The following AKAIN1 variants were observed in gnomAD, a reference collection of about 807,000 sequenced individuals.
AKAIN1 encodes the protein A-kinase anchor protein inhibitor 1.
Under a neutral mutation model 3.7 loss-of-function variants are expected in AKAIN1, and 3 were observed. The ratio of observed to expected loss-of-function variants is 0.82; its 90% confidence interval spans 0.37 to 2.12. The LOEUF (loss-of-function observed/expected upper bound fraction) is 2.12. Ranked by LOEUF, AKAIN1 falls within the 30% of genes most tolerant of loss-of-function variation. AKAIN1 has a pLI of 0.06. For synonymous variants in AKAIN1, 31 were observed against 30.8 expected (o/e 1.01, Z -0.02); for missense variants, 82 against 82.7 (o/e 0.99, Z 0.03).
intron 1 of AKAIN1, among the ~76,000 whole-genome samples, chr18:5,167,996 G>C (rs1458144935): frequency 6.6e-6 from 1 of 152,010 alleles, no homozygotes; most frequent in Admixed American, 6.6e-5. Context: ...GGTAGAATGA[G>C]ACACGTGCAT....
At chr18:5,171,340 G>T (rs2071196561) in intron 1 of AKAIN1, among the ~76,000 whole-genome samples, 1 of 152,002 alleles carries the variant, frequency 6.6e-6, no homozygotes, top group South Asian at 2.1e-4. Context: ...TGGACAAATG[G>T]GATCACATCA....
At chr18:5,174,649 G>A (rs1052788095) in intron 1 of AKAIN1, among the ~76,000 whole-genome samples, 3 of 152,100 alleles carry the variant, frequency 2.0e-5, no homozygotes, top group East Asian at 1.9e-4. Flanking sequence ...GCTGAGGCAC[G>A]AGAATCGCTT....
chr18:5,146,107 G>T (rs1413913929), intron 1 of AKAIN1, among the ~76,000 whole-genome samples: 1 of 152,070 alleles, frequency 6.6e-6, no homozygotes, highest in African/African-American at 2.4e-5. Context: ...TATTTTCACT[G>T]CTGTACTGTT....
upstream of AKAIN1, chr18:5,197,505 A>AAAAAAAAAAAAC (rs1555611700): frequency 2.1e-5 from 22 of 1,024,788 alleles, 3 homozygotes; most frequent in African/African-American, 8.9e-4. The surrounding 1 kb of genome is among the most constrained non-coding windows in gnomAD (Gnocchi z 6.9). Flanking sequence ...TAGATTTGTC[A>AAAAAAAAAAAAC]AAAAAAAAAA....
chr18:5,180,562 T>G (rs916962491), intron 1 of AKAIN1, among the ~76,000 whole-genome samples: 1 of 152,154 alleles, frequency 6.6e-6, no homozygotes, highest in Admixed American at 6.6e-5. Flanking sequence ...ACGTAAGTTA[T>G]TTTTAGAGTA....
intron 1 of AKAIN1, among the ~76,000 whole-genome samples, chr18:5,165,625 T>G (rs2071163509): frequency 6.6e-6 from 1 of 152,030 alleles, no homozygotes; most frequent in South Asian, 2.1e-4. Context: ...ACGTCAAATA[T>G]GGCCTAAAAG....
chr18:5,192,627 T>C (rs1212164251), intron 1 of AKAIN1, among the ~76,000 whole-genome samples: 1 of 152,038 alleles, frequency 6.6e-6, no homozygotes, highest in African/African-American at 2.4e-5. Context: ...CCTCCAGAAC[T>C]GTGAGAAATA....
In AKAIN1 at chr18:5,179,494, A is replaced by G. The variant is rs1272417120; in HGVS notation, c.16+17544T>C. On this transcript the variant is annotated intron_variant, in intron 1 of 1. Transcript: ENST00000434239. ...GTTGATGGATACTTAGGTTGATTCC[A>G]TATCTTTGATATCTTTGCTATTGTG... Among the ~76,000 whole-genome samples, 4 of 152,170 alleles carry G rather than the reference A, an allele frequency of 2.6e-5. No homozygotes were observed. In the East Asian group the frequency reaches 5.8e-4, roughly 22 times the overall value.
intron 1 of AKAIN1, among the ~76,000 whole-genome samples, chr18:5,156,939 A>C (rs1462360866): frequency 1.3e-5 from 2 of 152,200 alleles, no homozygotes; most frequent in Non-Finnish European, 2.9e-5. Context: ...AGCTATCCTC[A>C]ATTTCTGGCC....
chr18:5,164,973 A>G (rs2071159725), intron 1 of AKAIN1, among the ~76,000 whole-genome samples: 1 of 151,976 alleles, frequency 6.6e-6, no homozygotes. Context: ...TATAAATAAC[A>G]TTTTCCTCTA....
chr18:5,170,368 C>A (rs545042044), intron 1 of AKAIN1, among the ~76,000 whole-genome samples: 7 of 152,132 alleles, frequency 4.6e-5, no homozygotes, highest in Admixed American at 3.9e-4. Flanking sequence ...ATAATGTGAC[C>A]TGTAGTAAGC....
At chr18:5,197,302 G>A, upstream of AKAIN1, 1 of 1,351,788 alleles carries the variant, frequency 7.4e-7, no homozygotes, top group African/African-American at 1.5e-5. This position sits in a 1 kb window ranked among gnomAD's most constrained non-coding sequence, Gnocchi z 6.9. Flanking sequence ...TCCCCGCTCA[G>A]TCCATCCCTC....
At position 5,144,076 on chromosome 18, in the gene AKAIN1, A is replaced by C. The variant is rs2071035639; in HGVS notation, c.*1486T>G. Among the ~76,000 whole-genome samples, 2 of 152,180 alleles carry C rather than the reference A, an allele frequency of 1.3e-5. No homozygotes were observed. ...AATACTTGTGAGTAAACAATCTTTAAATTTTAAGCCCTTCTGCTTCCTTCT... is the reference window on the plus strand; with the variant it reads ...AATACTTGTGAGTAAACAATCTTTACATTTTAAGCCCTTCTGCTTCCTTCT... On this transcript the variant is annotated 3_prime_UTR_variant, in exon 2 of 2. Coordinates refer to ENST00000434239, the MANE Select transcript of AKAIN1 (RefSeq NM_001145194.2).
intron 1 of AKAIN1, among the ~76,000 whole-genome samples, chr18:5,163,970 T>C (rs1359720138): frequency 2.0e-5 from 3 of 152,074 alleles, no homozygotes; most frequent in Non-Finnish European, 2.9e-5. Context: ...AATTGAATAA[T>C]ACAACTATTA....
intron 1 of AKAIN1, among the ~76,000 whole-genome samples, chr18:5,179,007 G>A (rs2071242048): frequency 6.6e-6 from 1 of 152,246 alleles, no homozygotes; most frequent in East Asian, 1.9e-4. Flanking sequence ...CTCAGCTATG[G>A]TTAGAGAAAC....
chr18:5,161,421 C>A (rs75145920), intron 1 of AKAIN1, among the ~76,000 whole-genome samples: 3,083 of 152,144 alleles, frequency 0.02, 104 homozygotes, highest in African/African-American at 0.07. Context: ...TCTCTTAATT[C>A]TAATAATCTG....
intron 1 of AKAIN1, among the ~76,000 whole-genome samples, chr18:5,147,730 T>C (rs2071057203): frequency 6.6e-6 from 1 of 152,188 alleles, no homozygotes; most frequent in African/African-American, 2.4e-5. Flanking sequence ...TGCAATCTAG[T>C]GAACAAAGCA....
At chr18:5,166,203 T>G (rs944305328) in intron 1 of AKAIN1, among the ~76,000 whole-genome samples, 4 of 152,102 alleles carry the variant, frequency 2.6e-5, no homozygotes, top group African/African-American at 9.7e-5. Context: ...CGTATACGTC[T>G]TCTTCTAATT....
chr18:5,145,431 A>T lies in AKAIN1; in HGVS notation c.*131T>A. 1 of 674,422 alleles carries T rather than the reference A, an allele frequency of 1.5e-6. No homozygotes were observed. The highest frequency in any genetic ancestry group is 2.5e-6 in the Non-Finnish European group (1 of 393,330). The allele number at this position is 674,422 out of a possible 1,614,324, so 41.8% of individuals were successfully genotyped here. On this transcript the variant is annotated 3_prime_UTR_variant, in exon 2 of 2. Coordinates refer to ENST00000434239, the MANE Select transcript of AKAIN1 (RefSeq NM_001145194.2). ...AAACAGTGCTTCTCAGCCAGGGGCT[A>T]GTGTGAATTCATTCTACAGCTAGGT...
Sources: gnomAD v4.1 joint callset for allele counts (sites outside exome capture counted in the v4.1 genomes callset) on GRCh38, gnomAD v4.1.1 for gene constraint, Gnocchi (gnomAD v3.1) non-coding constraint, MANE v1.5 for transcripts, NCBI Gene and HGNC (gene_info 2026-07-23, HGNC 2026-07-21) for gene names.